The following PTPRN2 variants were observed in gnomAD, a reference collection of about 807,000 sequenced individuals.
PTPRN2 encodes receptor-type tyrosine-protein phosphatase N2.
In PTPRN2, 74 loss-of-function variants were observed where a neutral mutation model predicts 118.8. The ratio of observed to expected loss-of-function variants is 0.62; its 90% CI spans 0.52 to 0.76. The LOEUF (loss-of-function observed/expected upper bound fraction) is 0.76, where lower values mean the gene tolerates loss of function less well. PTPRN2 is among the 30% of genes least tolerant of loss of function. The pLI is 0.00. For synonymous variants in PTPRN2, 641 were observed against 608.0 expected (o/e 1.05, Z -0.80); for missense variants, 1,481 against 1,394.4 (o/e 1.06, Z -0.99).
chr7:158,336,730 G>T (rs1169170635), intron 2 of PTPRN2, among the ~76,000 whole-genome samples: 8 of 116,604 alleles, frequency 6.9e-5, no homozygotes, highest in African/African-American at 2.6e-4. Flanking sequence ...CAAAAGAGCT[G>T]ACGCCCGCAG....
intron 1 of PTPRN2, among the ~76,000 whole-genome samples, chr7:158,527,061 C>T (rs1003244385): frequency 5.9e-5 from 9 of 152,148 alleles, no homozygotes; most frequent in African/African-American, 1.2e-4. Flanking sequence ...CAAGCAGAGT[C>T]GAGACGTGCG....
intron 11 of PTPRN2, among the ~76,000 whole-genome samples, chr7:157,961,002 G>A (rs1045506475): frequency 9.9e-5 from 15 of 152,178 alleles, no homozygotes; most frequent in Admixed American, 2.6e-4. Context: ...GCGAGACTCC[G>A]TCTCAAAAAC....
chr7:157,870,808 G>A (rs756180143), intron 12 of PTPRN2, among the ~76,000 whole-genome samples: 2 of 152,202 alleles, frequency 1.3e-5, no homozygotes, highest in Non-Finnish European at 2.9e-5. Flanking sequence ...CCAGCCTCCC[G>A]CACCTGCACC....
intron 2 of PTPRN2, among the ~76,000 whole-genome samples, chr7:158,318,524 C>T (rs186494000): frequency 2.5e-3 from 377 of 152,266 alleles, no homozygotes; most frequent in Non-Finnish European, 4.1e-3. Context: ...CCTGGACCCC[C>T]AAGCGGGGCC....
At chr7:158,442,135 GGTGGC>G (rs1817384511) in intron 2 of PTPRN2, among the ~76,000 whole-genome samples, 1 of 146,594 alleles carries the variant, frequency 6.8e-6, no homozygotes, top group African/African-American at 2.7e-5. Context: ...TAGTGATGGT[GGTGGC>G]AGTGGTGGTG....
chr7:158,368,271 C>T (rs779677743), intron 2 of PTPRN2, among the ~76,000 whole-genome samples: 16 of 152,302 alleles, frequency 1.1e-4, no homozygotes, highest in East Asian at 3.9e-4. Flanking sequence ...AGGAGAGAAG[C>T]GGGACCCTGT....
chr7:157,546,861 G>A (rs1393379500), intron 22 of PTPRN2, among the ~76,000 whole-genome samples: 1 of 152,246 alleles, frequency 6.6e-6, no homozygotes, highest in Non-Finnish European at 1.5e-5. Context: ...CCATCTGTGT[G>A]CCAGGAAGGG....
chr7:158,394,964 C>A (rs1412942665), intron 2 of PTPRN2, among the ~76,000 whole-genome samples: 2 of 152,228 alleles, frequency 1.3e-5, no homozygotes, highest in Non-Finnish European at 2.9e-5. Flanking sequence ...GGCACCCCAG[C>A]CAGCACTCAG....
At chr7:158,576,851 G>C (rs1200818196) in intron 1 of PTPRN2, among the ~76,000 whole-genome samples, 17 of 98,626 alleles carry the variant, frequency 1.7e-4, no homozygotes, top group Admixed American at 5.4e-4. Flanking sequence ...ACTGAGGGCT[G>C]CCCACCCTGC....
In PTPRN2 at chr7:158,357,453, C is replaced by T. The variant is rs553695356; in HGVS notation, c.164-40521G>A. Reference sequence around the variant, plus strand: ...GTGGCTTCCTGGCTTGCTCGGTAGACGCCAGGCTATGCTCACCCCAAGGCC... The same window carrying T: ...GTGGCTTCCTGGCTTGCTCGGTAGATGCCAGGCTATGCTCACCCCAAGGCC... On this transcript the variant is annotated intron_variant, in intron 2 of 22. Transcript: ENST00000389418. Among the ~76,000 whole-genome samples the T allele has an allele frequency of 9.8e-5, 15 of 152,328 alleles. No individual in the cohort carries two copies. The East Asian group carries it at 1.5e-3, about 16-fold the overall frequency.
At chr7:158,562,469 T>A (rs1471510005) in intron 1 of PTPRN2, among the ~76,000 whole-genome samples, 1 of 152,112 alleles carries the variant, frequency 6.6e-6, no homozygotes, top group African/African-American at 2.4e-5. Flanking sequence ...TACTCCTCCA[T>A]CTGCCCTTTA....
In PTPRN2 at chr7:158,499,785, A is replaced by ATGTGTGTG. The variant is rs760084326; in HGVS notation, c.113-10008_113-10001dup. Reference sequence around the variant, plus strand: ...GACTCCATCTCAAATATATGTGTGTATGTGTGTGTGTGTGTGTGTGTGTAT... The same window carrying ATGTGTGTG: ...GACTCCATCTCAAATATATGTGTGTATGTGTGTGTGTGTGTGTGTGTGTGTGTGTGTAT... On this transcript the variant is annotated intron_variant, in intron 1 of 22. Coordinates refer to ENST00000389418, the MANE Select transcript of PTPRN2 (RefSeq NM_002847.5). Among the ~76,000 whole-genome samples, 4 of 143,706 alleles carry ATGTGTGTG rather than the reference A, an allele frequency of 2.8e-5. No individual in the cohort carries two copies. The South Asian group carries it at 6.9e-4, about 25-fold the overall frequency. 94.3% of individuals were successfully genotyped at this position (143,706 alleles called of 152,430 possible).
intron 12 of PTPRN2, among the ~76,000 whole-genome samples, chr7:157,747,816 G>A (rs1801090588): frequency 7.7e-6 from 1 of 130,252 alleles, no homozygotes; most frequent in Admixed American, 7.8e-5. Context: ...GTGATTCTGA[G>A]GCCTGCGTCC....
rs116453618 is a variant in PTPRN2 at position 158,241,802 on chromosome 7, G to A, written c.278-36529C>T. Among the ~76,000 whole-genome samples, 1,252 of 152,242 alleles carry A rather than the reference G, an allele frequency of 8.2e-3. 17 individuals carry two copies. Among genetic ancestry groups the A allele is most frequent in the African/African-American group, 0.029 (1,189 of 41,528 alleles). On this transcript the variant is annotated intron_variant, in intron 3 of 22. Transcript: ENST00000389418. Reference sequence around the variant, plus strand: ...GAGGTCCTCCCCAAATGATCACTGAGTAAGAAAACATCTTGGGACCTTTTT... The same window carrying A: ...GAGGTCCTCCCCAAATGATCACTGAATAAGAAAACATCTTGGGACCTTTTT...
intron 10 of PTPRN2, among the ~76,000 whole-genome samples, chr7:158,105,117 C>T (rs1815568505): frequency 6.6e-6 from 1 of 150,860 alleles, no homozygotes; most frequent in Non-Finnish European, 1.5e-5. Context: ...TACTAAGTGT[C>T]ATCATACTCC....
chr7:158,071,347 T>C (rs111162918), intron 11 of PTPRN2, among the ~76,000 whole-genome samples: 229 of 105,040 alleles, frequency 2.2e-3, no homozygotes, highest in East Asian at 4.3e-3. Flanking sequence ...GTGGAGGTGC[T>C]CGTGGTGGTG....
At chr7:158,070,004 G>A (rs1354050636) in intron 11 of PTPRN2, among the ~76,000 whole-genome samples, 1 of 152,236 alleles carries the variant, frequency 6.6e-6, no homozygotes, top group East Asian at 1.9e-4. Context: ...AGGGTGCTGT[G>A]AACTCAAGTT....
intron 2 of PTPRN2, among the ~76,000 whole-genome samples, chr7:158,472,896 A>G (rs1819970154): frequency 6.6e-6 from 1 of 152,130 alleles, no homozygotes. Flanking sequence ...TACACTAGAG[A>G]ACCCGGCTGC....
intron 11 of PTPRN2, among the ~76,000 whole-genome samples, chr7:158,050,252 A>G (rs1809228199): frequency 6.6e-6 from 1 of 152,250 alleles, no homozygotes; most frequent in African/African-American, 2.4e-5. Context: ...TTCATGTTCT[A>G]AAGTGATCAT....
Sources: allele counts gnomAD v4.1 joint callset (sites outside exome capture counted in the v4.1 genomes callset), GRCh38; gene constraint gnomAD v4.1.1; transcripts MANE v1.5; gene names NCBI Gene and HGNC (gene_info 2026-07-23, HGNC 2026-07-21).